UVSSA: variants seen among roughly 807,000 people sequenced by gnomAD.
UVSSA encodes the protein UV-stimulated scaffold protein A.
UVSSA carries 72 observed loss-of-function variants against 73.9 expected under a neutral mutation model. The ratio of observed to expected loss-of-function variants is 0.97; its 90% CI spans 0.81 to 1.19. UVSSA has a LOEUF of 1.19. UVSSA is among the 50% of genes most tolerant of loss of function. The probability of loss-of-function intolerance (pLI) is 0.00; values close to 1 mark genes in which losing one functional copy is unlikely to be tolerated. For synonymous variants in UVSSA, 454 were observed against 391.3 expected (o/e 1.16, Z -1.89); for missense variants, 1,150 against 965.0 (o/e 1.19, Z -2.54).
In UVSSA at chr4:1,348,191, T is replaced by C. The variant is rs1204459869; in HGVS notation, c.98+2T>C. The C allele has an allele frequency of 6.2e-7, 1 of 1,610,794 alleles. No homozygotes were observed. The highest frequency in any genetic ancestry group is 2.2e-5 in the East Asian group (1 of 44,878). On this transcript the variant is annotated splice_donor_variant, in intron 2 of 13. Transcript: ENST00000389851. LOFTEE classifies it high-confidence loss of function. The stretch of plus-strand genomic sequence containing the variant: ...GAAGGAACTGAAGAAAATTTGCAAG[T>C]ATGTCTTAGGGTTCAGTAACAGTAA...
At chr4:1,373,585 T>A (rs2109253803) in intron 8 of UVSSA, among the ~76,000 whole-genome samples, 1 of 152,364 alleles carries the variant, frequency 6.6e-6, no homozygotes, top group South Asian at 2.1e-4. Flanking sequence ...TAGGTTTTCC[T>A]GTAGTGCCTC....
At chr4:1,384,256 C>CAG (rs2109315257) in intron 13 of UVSSA, 1 of 369,144 alleles carries the variant, frequency 2.7e-6, no homozygotes, top group Non-Finnish European at 5.0e-6. Context: ...GCAGAGTGAG[C>CAG]CCCTCGTCTC....
intron 12 of UVSSA, 23 bp downstream of exon 12, chr4:1,381,011 C>A: frequency 6.2e-7 from 1 of 1,604,726 alleles, no homozygotes; most frequent in African/African-American, 1.3e-5. Flanking sequence ...AAGGCGGTCA[C>A]CGTGGGAGGC....
At chr4:1,377,669 A>G in intron 10 of UVSSA, among the ~76,000 whole-genome samples, 1 of 151,576 alleles carries the variant, frequency 6.6e-6, no homozygotes, top group East Asian at 1.9e-4. Context: ...GCCCCCAGGC[A>G]GTTGGGCTGA....
exon 14 of UVSSA, chr4:1,395,715 G>A (rs552712734): frequency 5.0e-6 from 8 of 1,614,216 alleles, no homozygotes; most frequent in Non-Finnish European, 6.8e-6. Flanking sequence ...CAAAGCCCTG[G>A]CATGGTGGTT....
chr4:1,355,228 G>A lies in UVSSA; in HGVS notation c.1159G>A (p.Gly387Arg), dbSNP rs750581754. 9.9e-6 allele frequency: 16 copies of A among 1,612,296 alleles called. No individual in the cohort carries two copies. Among genetic ancestry groups the A allele is most frequent in the Admixed American group, 3.3e-5 (2 of 59,796 alleles). Residue 387 changes from glycine (G) to arginine (R), a missense_variant, in exon 7 of 14, where the codon GGA becomes AGA. Transcript: ENST00000389851. The part of the protein sequence containing the change: ...KYKELDIEPE[G>R]GERRRTEALG... Reference sequence around the variant, plus strand: ...CAAGGAGCTGGACATCGAGCCTGAGGGAGGGGAAAGGCGCAGGGTGAGTGG... The same window carrying A: ...CAAGGAGCTGGACATCGAGCCTGAGAGAGGGGAAAGGCGCAGGGTGAGTGG...
intron 13 of UVSSA, 109 bp downstream of exon 13, chr4:1,384,049 G>A: frequency 7.4e-7 from 1 of 1,355,200 alleles, no homozygotes; most frequent in Non-Finnish European, 9.8e-7. Flanking sequence ...GGCCTCCAGG[G>A]GCTCCCCTGC....
chr4:1,362,271 C>T (rs1466684675), intron 7 of UVSSA, among the ~76,000 whole-genome samples: 1 of 152,238 alleles, frequency 6.6e-6, no homozygotes, highest in African/African-American at 2.4e-5. Context: ...GTGCCCTGTG[C>T]ACGGGTGGTC....
rs1316551122 is a variant in UVSSA at position 1,386,086 on chromosome 4, A to G, written c.*125A>G. The stretch of plus-strand genomic sequence containing the variant: ...CTATTACTGTGTTTGATGTAAAGAA[A>G]TGGTGTGTTGCAATGCCCTGAAGGT... On this transcript the variant is annotated 3_prime_UTR_variant, in exon 14 of 14. Transcript: ENST00000389851. The G allele has an allele frequency of 1.9e-6, 2 of 1,029,998 alleles. No homozygotes were observed. Among genetic ancestry groups the G allele is most frequent in the African/African-American group, 1.6e-5 (1 of 63,634 alleles). 63.8% of individuals were successfully genotyped at this position (1,029,998 alleles called of 1,614,324 possible). A position where few individuals can be genotyped will look rare whatever the true frequency, so the allele number is the denominator to read the frequency against.
chr4:1,350,223 C>G (rs1274659038), intron 3 of UVSSA, among the ~76,000 whole-genome samples: 1 of 152,202 alleles, frequency 6.6e-6, no homozygotes, highest in African/African-American at 2.4e-5. Context: ...CTGTCCCAAC[C>G]TTGCACTTTA....
At chr4:1,368,867 G>A (rs187724542) in intron 8 of UVSSA, among the ~76,000 whole-genome samples, 2 of 152,348 alleles carry the variant, frequency 1.3e-5, no homozygotes, top group Admixed American at 6.5e-5. Flanking sequence ...TGGTTCTTTC[G>A]CTGCAGCCGC....
chr4:1,372,570 T>C (rs1215670999), intron 8 of UVSSA, among the ~76,000 whole-genome samples: 2 of 152,184 alleles, frequency 1.3e-5, no homozygotes, highest in Non-Finnish European at 2.9e-5. Context: ...CCCATCACAT[T>C]GGATCATCCA....
chr4:1,390,188 G>C (rs953019438), downstream of UVSSA: 1 of 152,092 alleles, frequency 6.6e-6, no homozygotes, highest in Admixed American at 6.5e-5. Flanking sequence ...AAATCTAAAA[G>C]TATATTCTGA....
At chr4:1,359,730 T>C (rs868776616) in intron 7 of UVSSA, among the ~76,000 whole-genome samples, 5 of 152,158 alleles carry the variant, frequency 3.3e-5, no homozygotes, top group Middle Eastern at 6.8e-3. Context: ...GACTCTGTGG[T>C]TTTCTTTCTC....
intron 7 of UVSSA, among the ~76,000 whole-genome samples, chr4:1,361,833 T>G (rs1458411476): frequency 6.6e-6 from 1 of 151,840 alleles, no homozygotes; most frequent in Non-Finnish European, 1.5e-5. Flanking sequence ...AACTCACTTG[T>G]CTGACGAGGC....
rs986514261 is a variant in UVSSA, at chr4:1,386,208, G to A, written c.*247G>A. The stretch of plus-strand genomic sequence containing the variant: ...GCCTGGAGATGTGAACACAGGCAGC[G>A]ACCCTGTTCCAGAGGGCTTCTGCGA... On this transcript the variant is annotated 3_prime_UTR_variant, in exon 14 of 14. Transcript: ENST00000389851. 4.1e-5 allele frequency: 20 copies of A among 487,090 alleles called. No individual in the cohort carries two copies. The highest frequency in any genetic ancestry group is 3.5e-4 in the African/African-American group (18 of 51,312). The allele number at this position is 487,090 out of a possible 1,614,324, so 30.2% of individuals were successfully genotyped here.
At chr4:1,372,413 C>T (rs1718168821) in intron 8 of UVSSA, among the ~76,000 whole-genome samples, 1 of 152,146 alleles carries the variant, frequency 6.6e-6, no homozygotes, top group Admixed American at 6.5e-5. Context: ...TTTATGTGCC[C>T]CGTTGTTGTG....
rs140574139 is a variant in UVSSA at position 1,385,923 on chromosome 4, G to C, written c.2092G>C (p.Glu698Gln). 1.2e-6 allele frequency: 2 copies of C among 1,614,066 alleles called. No homozygotes were observed. Among genetic ancestry groups the C allele is most frequent in the South Asian group, 2.2e-5 (2 of 91,086 alleles). The change falls in exon 14 of 14, where the codon GAG (glutamate) becomes CAG (glutamine). Residue 698 changes from glutamate to glutamine, a missense_variant. By Grantham distance (29) the Glu-to-Gln change is conservative. Coordinates refer to ENST00000389851, the MANE Select transcript of UVSSA (RefSeq NM_020894.4). ...GAACCGGATGGACCAGAAGAAGCACGAGAAGTTTTCAAACCAGTTTAACTA... is the reference window on the plus strand; with the variant it reads ...GAACCGGATGGACCAGAAGAAGCACCAGAAGTTTTCAAACCAGTTTAACTA... ...AMNRMDQKKH[E>Q]KFSNQFNYAL...
exon 14 of UVSSA, chr4:1,393,348 A>G (rs143438955): frequency 6.6e-5 from 10 of 152,334 alleles, no homozygotes; most frequent in African/African-American, 2.4e-4. Context: ...AATTCTGTAG[A>G]CACAGTTTCC....
Sources: gnomAD v4.1 joint callset for allele counts (sites outside exome capture counted in the v4.1 genomes callset) on GRCh38, gnomAD v4.1.1 for gene constraint, MANE v1.5 for transcripts, NCBI Gene and HGNC (gene_info 2026-07-23, HGNC 2026-07-21) for gene names.